Variants in EYS observed in about 807,000 individuals in gnomAD.
The protein encoded by EYS is EGF-like photoreceptor maintenance factor, also known as protein eyes shut homolog.
Under a neutral mutation model 282.1 loss-of-function variants are expected in EYS, and 250 were observed. The ratio of observed to expected loss-of-function variants is 0.89; its 90% CI spans 0.80 to 0.98. The LOEUF (loss-of-function observed/expected upper bound fraction) is 0.98. EYS is among the 50% of genes least tolerant of loss of function. The probability of loss-of-function intolerance (pLI) is 0.00; values close to 1 mark genes in which losing one functional copy is unlikely to be tolerated. For missense variants in EYS, 4,016 were observed against 3,709.0 expected (o/e 1.08, Z -2.15); for synonymous variants, 1,355 against 1,282.9 (o/e 1.06, Z -1.20).
chr6:63,832,552 T>C (rs1028473483), intron 36 of EYS, among the ~76,000 whole-genome samples: 5 of 152,028 alleles, frequency 3.3e-5, no homozygotes, highest in Middle Eastern at 3.2e-3. Context: ...AATAACAGGC[T>C]CTGAAATAGA....
At chr6:65,313,791 T>C (rs1769225434) in intron 11 of EYS, among the ~76,000 whole-genome samples, 1 of 152,186 alleles carries the variant, frequency 6.6e-6, no homozygotes, top group African/African-American at 2.4e-5. Context: ...CCAACTTTAG[T>C]CTGTACTCAA....
At chr6:64,287,646 A>G (rs1430609906) in intron 30 of EYS, among the ~76,000 whole-genome samples, 4 of 78,972 alleles carry the variant, frequency 5.1e-5, no homozygotes, top group Non-Finnish European at 8.9e-5. Flanking sequence ...GGCCACCAGC[A>G]GTGAGTATAA....
chr6:64,508,203 A>G (rs115076108), intron 26 of EYS, among the ~76,000 whole-genome samples: 3,616 of 152,256 alleles, frequency 0.024, 140 homozygotes, highest in African/African-American at 0.083. Context: ...AAAAAACTAT[A>G]CATGTATACA....
chr6:63,740,351 T>C (rs946159499), intron 41 of EYS, among the ~76,000 whole-genome samples: 1 of 152,190 alleles, frequency 6.6e-6, no homozygotes, highest in Non-Finnish European at 1.5e-5. Flanking sequence ...CCACCATCCA[T>C]GTAAGACGTG....
At chr6:64,490,691 C>T (rs781046773) in intron 26 of EYS, among the ~76,000 whole-genome samples, 11 of 150,468 alleles carry the variant, frequency 7.3e-5, no homozygotes, top group African/African-American at 1.9e-4. Flanking sequence ...ACTAGACAGA[C>T]GAAAGATTCA....
intron 26 of EYS, among the ~76,000 whole-genome samples, chr6:64,471,286 A>G (rs1776114561): frequency 6.6e-6 from 1 of 152,190 alleles, no homozygotes; most frequent in South Asian, 2.1e-4. Context: ...CAAGATTAGA[A>G]AAGAGGAAGT....
chr6:65,350,649 C>G (rs1770563780), intron 9 of EYS, among the ~76,000 whole-genome samples: 1 of 151,576 alleles, frequency 6.6e-6, no homozygotes, highest in Non-Finnish European at 1.5e-5. Context: ...TGTCTTACTT[C>G]ACTTCGCAAC....
intron 13 of EYS, among the ~76,000 whole-genome samples, chr6:65,009,019 A>G (rs1198730288): frequency 6.6e-6 from 1 of 152,136 alleles, no homozygotes; most frequent in Non-Finnish European, 1.5e-5. Context: ...ATCCCTTGTT[A>G]GGGAGAGACA....
chr6:64,409,873 G>T (rs1204237913), intron 28 of EYS, among the ~76,000 whole-genome samples: 2 of 152,024 alleles, frequency 1.3e-5, no homozygotes, highest in Non-Finnish European at 2.9e-5. Flanking sequence ...TACTATGAAA[G>T]TGCTCTTAGT....
rs187617739 is a variant in EYS at position 64,881,953 on chromosome 6, T to C, written c.2992+4744A>G. Among the ~76,000 whole-genome samples, 474 of 152,004 alleles carry C rather than the reference T, an allele frequency of 3.1e-3. 1 individual carries two copies. The highest frequency in any genetic ancestry group is 8.0e-3 in the Admixed American group (121 of 15,216). On this transcript the variant is annotated intron_variant, in intron 19 of 42. Coordinates refer to ENST00000503581, the MANE Select transcript of EYS (RefSeq NM_001142800.2). The stretch of plus-strand genomic sequence containing the variant: ...ACTATTAATGTTTGTAATTCAATGA[T>C]ATAAACATCATTTTTCAAAGTGCAA...
At chr6:65,015,563 G>T (rs1011046654) in intron 13 of EYS, among the ~76,000 whole-genome samples, 1 of 151,994 alleles carries the variant, frequency 6.6e-6, no homozygotes, top group African/African-American at 2.4e-5. Flanking sequence ...ATATAATGCT[G>T]CTTTATTTCT....
At chr6:64,845,042 A>C (rs1002215511) in intron 19 of EYS, among the ~76,000 whole-genome samples, 6 of 152,156 alleles carry the variant, frequency 3.9e-5, no homozygotes, top group African/African-American at 1.4e-4. Flanking sequence ...TAATCCCAGC[A>C]CTTTGGGAGG....
At chr6:65,543,238 G>GCTCCT (rs201482230) in intron 2 of EYS, among the ~76,000 whole-genome samples, 1 of 150,810 alleles carries the variant, frequency 6.6e-6, no homozygotes, top group Non-Finnish European at 1.5e-5. Flanking sequence ...AGGCTGGTCA[G>GCTCCT]GATGAACAAC....
intron 26 of EYS, among the ~76,000 whole-genome samples, chr6:64,585,780 T>C (rs1766215971): frequency 6.6e-6 from 1 of 152,146 alleles, no homozygotes; most frequent in Middle Eastern, 3.2e-3. Flanking sequence ...GCCCTTTCTA[T>C]TCAACACTTT....
At chr6:64,617,821 C>T (rs1202050537) in intron 23 of EYS, among the ~76,000 whole-genome samples, 2 of 152,038 alleles carry the variant, frequency 1.3e-5, no homozygotes, top group African/African-American at 2.4e-5. Flanking sequence ...AGCTCTTATC[C>T]GTGGTGCCAT....
intron 33 of EYS, among the ~76,000 whole-genome samples, chr6:64,022,752 C>T (rs1769251752): frequency 6.6e-6 from 1 of 152,224 alleles, no homozygotes. Context: ...GTTTTACCCA[C>T]ACCCATCACT....
At chr6:64,549,605 T>C (rs1765000047) in intron 26 of EYS, among the ~76,000 whole-genome samples, 3 of 152,184 alleles carry the variant, frequency 2.0e-5, no homozygotes, top group East Asian at 1.9e-4. Context: ...CCTTCTCCTC[T>C]GGTTTTATGG....
At chr6:63,766,703 T>G (rs116186295) in intron 40 of EYS, among the ~76,000 whole-genome samples, 1,823 of 152,136 alleles carry the variant, frequency 0.012, 29 homozygotes, top group African/African-American at 0.042. Flanking sequence ...TCCTCATTTT[T>G]CAGAGAAGGA....
intron 2 of EYS, among the ~76,000 whole-genome samples, chr6:65,529,521 CCTGT>C (rs1277438032): frequency 1.7e-4 from 26 of 152,254 alleles, no homozygotes; most frequent in Middle Eastern, 3.4e-3. Context: ...TAATAAATTG[CCTGT>C]CTATTACTCC....
Sources: allele counts gnomAD v4.1 joint callset (sites outside exome capture counted in the v4.1 genomes callset), GRCh38; gene constraint gnomAD v4.1.1; transcripts MANE v1.5; gene names NCBI Gene and HGNC (gene_info 2026-07-23, HGNC 2026-07-21).